MSN: variants seen among roughly 807,000 people sequenced by gnomAD.
MSN encodes the protein epididymis luminal protein 70.
In MSN, 2 loss-of-function variants were observed where a neutral mutation model predicts 48.0. The observed-to-expected ratio is 0.04, with a 90% CI of 0.02 to 0.13. The LOEUF is 0.13. Ranked by LOEUF, MSN falls within the 10% of genes least tolerant of loss-of-function variation. The pLI is 1.00. For synonymous variants in MSN, 146 were observed against 166.9 expected, an observed-to-expected ratio of 0.87 and a Z score of 0.97; for missense variants, 267 against 470.1, an observed-to-expected ratio of 0.57 and a Z score of 3.99.
chrX:65,653,837 G>A (rs1266841338), intron 1 of MSN, among the ~76,000 whole-genome samples: 1 of 110,511 alleles, frequency 9.0e-6, no homozygotes, highest in Non-Finnish European at 1.9e-5. Context: ...GTAGTGGCGC[G>A]ACCTCGGCTG....
chrX:65,662,984 G>A (rs750966994), upstream of MSN, among the ~76,000 whole-genome samples: 25 of 112,037 alleles, frequency 2.2e-4, no homozygotes, highest in Non-Finnish European at 3.6e-4. Flanking sequence ...AGGGCCAGGC[G>A]TGGCGGCTCA....
In MSN at chrX:65,704,433, G is replaced by A. The variant is rs184791632; in HGVS notation, c.13-12385G>A. ...GAGTCTTGGCTATGCCTATTACTGG[G>A]GGCCTTCCCAACCAGTTGCTATTCA... On this transcript the variant is annotated intron_variant, in intron 1 of 12. Coordinates refer to ENST00000360270, the MANE Select transcript of MSN (RefSeq NM_002444.3). 6.3e-5 allele frequency among the ~76,000 whole-genome samples: 7 copies of A among 111,547 alleles called. No individual in the cohort carries two copies. In the East Asian group the frequency reaches 2.0e-3, roughly 31 times the overall value.
intron 1 of MSN, among the ~76,000 whole-genome samples, chrX:65,668,546 C>T (rs2070897196): frequency 8.9e-6 from 1 of 111,840 alleles, no homozygotes; most frequent in African/African-American, 3.3e-5. Flanking sequence ...TGCTTAATGC[C>T]TCTCTATCTC....
At chrX:65,704,537 C>T (rs1344025968) in intron 1 of MSN, among the ~76,000 whole-genome samples, 2 of 110,793 alleles carry the variant, frequency 1.8e-5, no homozygotes, top group African/African-American at 6.6e-5. Context: ...ATTTAGTCTC[C>T]CTAGAATGGG....
chrX:65,599,430 C>A (rs967380239), intron 1 of MSN, among the ~76,000 whole-genome samples: 1 of 112,384 alleles, frequency 8.9e-6, no homozygotes, highest in Admixed American at 9.4e-5. Flanking sequence ...GTCAAGAGAT[C>A]GAGACCATCC....
intron 1 of MSN, among the ~76,000 whole-genome samples, chrX:65,632,538 A>G (rs922150681): frequency 1.2e-4 from 13 of 112,521 alleles, no homozygotes; most frequent in Non-Finnish European, 2.2e-4. Context: ...ATCATTTTAC[A>G]TTCCCAACAA....
intron 2 of MSN, among the ~76,000 whole-genome samples, chrX:65,717,220 T>C (rs1042905468): frequency 8.9e-6 from 1 of 111,873 alleles, no homozygotes; most frequent in Non-Finnish European, 1.9e-5. Flanking sequence ...GTAAGTGATG[T>C]CTTCTCCATT....
intron 1 of MSN, among the ~76,000 whole-genome samples, chrX:65,659,643 G>A (rs975854019): frequency 4.5e-5 from 5 of 111,179 alleles, no homozygotes; most frequent in Non-Finnish European, 1.9e-5. Context: ...AGATGCCCCC[G>A]GCTTCCTTGG....
chrX:65,690,254 G>T (rs1341452047), intron 1 of MSN, among the ~76,000 whole-genome samples: 3 of 112,082 alleles, frequency 2.7e-5, no homozygotes, highest in Non-Finnish European at 5.6e-5. Flanking sequence ...CCAGAGAAAG[G>T]GGAGGGAGGC....
At position 65,740,106 on chromosome X, in the gene MSN, AC is replaced by A; in HGVS notation, c.*215del. The stretch of plus-strand genomic sequence containing the variant: ...AATGGCTCACTATGGTGCCAATGGA[AC>A]CTCCTTTCTCTTCTCTGTTCCATTG... On this transcript the variant is annotated 3_prime_UTR_variant, in exon 13 of 13. Coordinates refer to ENST00000360270, the MANE Select transcript of MSN (RefSeq NM_002444.3). 2.9e-6 allele frequency: 1 copy of A among 348,616 alleles called. No individual in the cohort carries two copies. Among genetic ancestry groups the A allele is most frequent in the Non-Finnish European group, 5.1e-6 (1 of 196,309 alleles). The allele number at this position is 348,616 out of a possible 1,213,427, so 28.7% of individuals were successfully genotyped here. A position where few individuals can be genotyped will look rare whatever the true frequency, so the allele number is the denominator to read the frequency against.
chrX:65,629,087 A>T (rs1223181073), intron 1 of MSN, among the ~76,000 whole-genome samples: 2 of 109,263 alleles, frequency 1.8e-5, no homozygotes, highest in African/African-American at 3.3e-5. Flanking sequence ...AAAAAAAAGG[A>T]ATGTTTTTAA....
At chrX:65,623,964 T>C (rs2070479753) in intron 1 of MSN, among the ~76,000 whole-genome samples, 1 of 111,279 alleles carries the variant, frequency 9.0e-6, no homozygotes, top group Non-Finnish European at 1.9e-5. Context: ...TAGGGAATTT[T>C]TGTGTTTCTA....
intron 1 of MSN, among the ~76,000 whole-genome samples, chrX:65,639,310 A>G (rs560202719): frequency 3.6e-5 from 4 of 109,810 alleles, no homozygotes; most frequent in African/African-American, 1.3e-4. Flanking sequence ...CACCCAGCTA[A>G]TTTTTCATAT....
chrX:65,728,803 C>T (rs1322981421), intron 3 of MSN, among the ~76,000 whole-genome samples: 1 of 111,523 alleles, frequency 9.0e-6, no homozygotes, highest in East Asian at 2.8e-4. Flanking sequence ...AGCATCTTCA[C>T]GGGAACCTGG....
intron 1 of MSN, among the ~76,000 whole-genome samples, chrX:65,671,093 C>G (rs1240493802): frequency 1.9e-5 from 2 of 105,456 alleles, no homozygotes; most frequent in Non-Finnish European, 3.9e-5. Flanking sequence ...GGTTTCCTTC[C>G]TTGGGATTTA....
At chrX:65,600,222 T>G (rs1457382340) in intron 1 of MSN, among the ~76,000 whole-genome samples, 1 of 111,040 alleles carries the variant, frequency 9.0e-6, no homozygotes, top group Non-Finnish European at 1.9e-5. Flanking sequence ...GATTGGAGTG[T>G]GTGTGTCTTT....
chrX:65,736,961 C>G (rs1371740280), intron 9 of MSN, 36 bp downstream of exon 9: 2 of 1,206,081 alleles, frequency 1.7e-6, no homozygotes, highest in African/African-American at 1.7e-5. Flanking sequence ...TTGGATTTTT[C>G]CAGGCCTAAC....
At chrX:65,675,753 T>C (rs1273851392) in intron 1 of MSN, among the ~76,000 whole-genome samples, 2 of 111,206 alleles carry the variant, frequency 1.8e-5, no homozygotes, top group Non-Finnish European at 3.8e-5. Context: ...TTCTCGTTCC[T>C]CAGCCTCCCA....
chrX:65,683,143 C>G (rs2071073915), intron 1 of MSN, among the ~76,000 whole-genome samples: 3 of 112,279 alleles, frequency 2.7e-5, no homozygotes, highest in Admixed American at 1.9e-4. Flanking sequence ...ATATTTGAGA[C>G]ATTACTCAAT....
Sources: allele counts gnomAD v4.1 joint callset (sites outside exome capture counted in the v4.1 genomes callset), GRCh38; gene constraint gnomAD v4.1.1; transcripts MANE v1.5; gene names NCBI Gene and HGNC (gene_info 2026-07-23, HGNC 2026-07-21).